ANXA8: variants seen among roughly 807,000 people sequenced by gnomAD.
The protein encoded by ANXA8 is VAC-beta.
Under a neutral mutation model 26.8 loss-of-function variants are expected in ANXA8, and 9 were observed. The ratio of observed to expected loss-of-function variants is 0.34; its 90% CI spans 0.20 to 0.59. The LOEUF is 0.59. Ranked by LOEUF, ANXA8 falls within the 20% of genes least tolerant of loss-of-function variation. ANXA8 has a pLI of 0.84. For missense variants in ANXA8, 83 were observed against 238.5 expected, an observed-to-expected ratio of 0.35 and a Z score of 4.29; for synonymous variants, 39 against 94.8, an observed-to-expected ratio of 0.41 and a Z score of 3.42.
chr10:47,720,288 A>G, the ANXA8 span, among the ~76,000 whole-genome samples: 1 of 143,510 alleles, frequency 7.0e-6, no homozygotes, highest in Non-Finnish European at 1.5e-5. Context: ...GGGAGATTTT[A>G]TTGTCTTCAA....
the ANXA8 span, among the ~76,000 whole-genome samples, chr10:47,957,157 T>G: frequency 6.7e-6 from 1 of 149,970 alleles, no homozygotes; most frequent in Non-Finnish European, 1.5e-5. Context: ...GACATCAGCT[T>G]ATTCATGATC....
the ANXA8 span, among the ~76,000 whole-genome samples, chr10:47,651,494 C>T: frequency 1.3e-5 from 2 of 150,816 alleles, no homozygotes; most frequent in Non-Finnish European, 2.9e-5. Flanking sequence ...GAAATGACAA[C>T]ATATGTCCAT....
chr10:47,549,911 C>T, the ANXA8 span, among the ~76,000 whole-genome samples: 11 of 144,056 alleles, frequency 7.6e-5, no homozygotes, highest in South Asian at 1.5e-3. Flanking sequence ...TTGAGATCAG[C>T]CTGGGCCACA....
At chr10:47,651,036 C>A in the ANXA8 span, among the ~76,000 whole-genome samples, 1 of 151,084 alleles carries the variant, frequency 6.6e-6, no homozygotes, top group Non-Finnish European at 1.5e-5. Context: ...AGTTAGAGAC[C>A]AGCCTGGGCA....
At chr10:47,585,263 C>CAAAAAAAAAA in the ANXA8 span, among the ~76,000 whole-genome samples, 37 of 43,596 alleles carry the variant, frequency 8.5e-4, no homozygotes, top group Non-Finnish European at 9.3e-4. Context: ...GACTCCATCT[C>CAAAAAAAAAA]AAAAAAAAAA....
At chr10:47,628,747 C>T in the ANXA8 span, among the ~76,000 whole-genome samples, 1 of 149,624 alleles carries the variant, frequency 6.7e-6, no homozygotes, top group Non-Finnish European at 1.5e-5. Flanking sequence ...CCTGGTCATT[C>T]AAAACCAATA....
At chr10:47,930,277 TCACTTGAG>T in the ANXA8 span, among the ~76,000 whole-genome samples, 1 of 147,318 alleles carries the variant, frequency 6.8e-6, no homozygotes, top group South Asian at 2.3e-4. Context: ...AGCAGGCAGA[TCACTTGAG>T]CCCAGGAATT....
the ANXA8 span, among the ~76,000 whole-genome samples, chr10:47,687,757 T>C: frequency 2.6e-5 from 4 of 151,890 alleles, no homozygotes; most frequent in South Asian, 2.1e-4. Flanking sequence ...TTAAATGAGG[T>C]TGGAATATGT....
chr10:47,521,812 G>T, the ANXA8 span, among the ~76,000 whole-genome samples: 2 of 150,802 alleles, frequency 1.3e-5, no homozygotes, highest in African/African-American at 2.4e-5. Context: ...ACGGAGTCTC[G>T]CTCTGTCACC....
chr10:47,509,959 ACT>A, the ANXA8 span, among the ~76,000 whole-genome samples: 42 of 142,742 alleles, frequency 2.9e-4, 3 homozygotes, highest in Admixed American at 5.0e-4. Context: ...AAAAAGACAC[ACT>A]GTTTCTGGGT....
chr10:47,733,211 T>TTCTCTCTCTCTCTCTCTCTCTC, the ANXA8 span, among the ~76,000 whole-genome samples: 1 of 82,312 alleles, frequency 1.2e-5, no homozygotes, highest in African/African-American at 4.4e-5. Flanking sequence ...CTTTCTTTCT[T>TTCTCTCTCTCTCTCTCTCTCTC]TCTTTCTTTC....
chr10:47,594,836 A>G, the ANXA8 span, among the ~76,000 whole-genome samples: 1 of 148,636 alleles, frequency 6.7e-6, no homozygotes, highest in African/African-American at 2.6e-5. Flanking sequence ...CTTGGAAAAC[A>G]TATCTGAGGA....
chr10:47,920,195 G>T, the ANXA8 span, among the ~76,000 whole-genome samples: 1 of 83,448 alleles, frequency 1.2e-5, no homozygotes, highest in Non-Finnish European at 2.2e-5. Flanking sequence ...TAAACTATCA[G>T]GTGAATTCAC....
At chr10:47,950,679 A>G in the ANXA8 span, among the ~76,000 whole-genome samples, 1 of 150,782 alleles carries the variant, frequency 6.6e-6, no homozygotes, top group Non-Finnish European at 1.5e-5. Flanking sequence ...GCAGAAGGAT[A>G]TCTAGAAAAT....
At chr10:47,769,745 A>G in the ANXA8 span, among the ~76,000 whole-genome samples, 2 of 152,310 alleles carry the variant, frequency 1.3e-5, no homozygotes, top group Non-Finnish European at 2.9e-5. Context: ...TCTGTGGTCA[A>G]TTAAATGATT....
the ANXA8 span, among the ~76,000 whole-genome samples, chr10:47,558,342 G>C: frequency 6.6e-6 from 1 of 151,828 alleles, no homozygotes; most frequent in Non-Finnish European, 1.5e-5. Flanking sequence ...TAGGCCATGT[G>C]TCTAATGGCA....
the ANXA8 span, among the ~76,000 whole-genome samples, chr10:47,626,511 G>T: frequency 6.7e-6 from 1 of 149,698 alleles, no homozygotes; most frequent in Admixed American, 6.6e-5. Context: ...TCTTCTTAAG[G>T]AAAGATTTTA....
the ANXA8 span, among the ~76,000 whole-genome samples, chr10:47,942,053 G>C: frequency 6.8e-6 from 1 of 147,624 alleles, no homozygotes; most frequent in Non-Finnish European, 1.5e-5. Context: ...TTGCTAAGCC[G>C]CAGAGTAAGC....
the ANXA8 span, among the ~76,000 whole-genome samples, chr10:47,743,369 T>C: frequency 0.013 from 489 of 38,630 alleles, 8 homozygotes; most frequent in African/African-American, 0.029. Flanking sequence ...TATATATATA[T>C]ACATATATAT....
Sources: gnomAD v4.1 joint callset for allele counts (sites outside exome capture counted in the v4.1 genomes callset) on GRCh38, gnomAD v4.1.1 for gene constraint, MANE v1.5 for transcripts, NCBI Gene and HGNC (gene_info 2026-07-23, HGNC 2026-07-21) for gene names.